Variants in DAGLA observed in about 807,000 individuals in gnomAD.
The protein encoded by DAGLA is diacylglycerol lipase alpha, also known as diacylglycerol lipase-alpha.
Under a neutral mutation model 102.6 loss-of-function variants are expected in DAGLA, and 22 were observed. That is an observed-to-expected ratio of 0.21 (90% confidence interval 0.15 to 0.31). The LOEUF is 0.31. Ranked by LOEUF, DAGLA falls within the 10% of genes least tolerant of loss-of-function variation. DAGLA has a pLI of 1.00. For missense variants in DAGLA, 927 were observed against 1,446.6 expected (o/e 0.64, Z 5.83); for synonymous variants, 578 against 628.9 (o/e 0.92, Z 1.21).
At chr11:61,733,027 C>T (rs142825949) in intron 9 of DAGLA, among the ~76,000 whole-genome samples, 46 of 152,350 alleles carry the variant, frequency 3.0e-4, no homozygotes, top group African/African-American at 9.9e-4. Context: ...GCCCTGTCAC[C>T]GGAGAAGCGA....
rs1273931781 is a variant in DAGLA, at chr11:61,744,828, C to T, written c.*339C>T. On this transcript the variant is annotated 3_prime_UTR_variant, in exon 20 of 20. Transcript: ENST00000257215. Reference sequence around the variant, plus strand: ...TGCTCCAGGACAGGCCATGGGCAAGCTGCCTCCCATCACTGCCTGCTGGCT... The same window carrying T: ...TGCTCCAGGACAGGCCATGGGCAAGTTGCCTCCCATCACTGCCTGCTGGCT... 2.8e-5 allele frequency: 7 copies of T among 251,814 alleles called. No individual in the cohort carries two copies. Among genetic ancestry groups the T allele is most frequent in the Admixed American group, 2.0e-4 (4 of 20,436 alleles). The allele number at this position is 251,814 out of a possible 1,614,324, so 15.6% of individuals were successfully genotyped here.
Position 61,744,316 on chromosome 11 carries a change from A to G in DAGLA, c.2956A>G (p.Ile986Val). The change falls in exon 20 of 20, where the codon ATC (isoleucine) becomes GTC (valine). Residue 986 changes from isoleucine to valine, a missense_variant. Ile to Val is a conservative substitution (Grantham distance 29). This residue lies in a region of DAGLA where 434 missense variants were observed against 503.3 expected (regional missense o/e 0.86). Coordinates refer to ENST00000257215, the MANE Select transcript of DAGLA (RefSeq NM_006133.3). Reference protein sequence around the residue: ...FAGSADPSSGISLSPSFPLSS... With the variant: ...FAGSADPSSGVSLSPSFPLSS... ...CGGCTCAGCCGACCCCTCCTCGGGC[A>G]TCTCACTCTCGCCCTCCTTCCCGCT... The G allele has an allele frequency of 6.2e-7, 1 of 1,612,558 alleles. No individual in the cohort carries two copies. The highest frequency in any genetic ancestry group is 8.5e-7 in the Non-Finnish European group (1 of 1,179,702).
chr11:61,713,041 CAT>C (rs1333113609), intron 1 of DAGLA, among the ~76,000 whole-genome samples: 1 of 152,178 alleles, frequency 6.6e-6, no homozygotes, highest in East Asian at 1.9e-4. Context: ...GTGGATGACA[CAT>C]AGTGTTTCTA....
In DAGLA at chr11:61,711,962, G is replaced by A. The variant is rs115111410; in HGVS notation, c.-44-8150G>A. Among the ~76,000 whole-genome samples, 1,126 of 152,364 alleles carry A rather than the reference G, an allele frequency of 7.4e-3. 19 individuals carry two copies. The highest frequency in any genetic ancestry group is 0.026 in the African/African-American group (1,083 of 41,576). The stretch of plus-strand genomic sequence containing the variant: ...TTAAAGGAGGTAATTTTTGTGAACT[G>A]CTTGTTAAAGTAACCAGCATGTAGT... On this transcript the variant is annotated intron_variant, in intron 1 of 19. Transcript: ENST00000257215.
chr11:61,735,881 G>T, intron 12 of DAGLA, 65 bp downstream of exon 12: 1 of 1,440,122 alleles, frequency 6.9e-7, no homozygotes, highest in Non-Finnish European at 9.5e-7. Flanking sequence ...GTGCAGAGGC[G>T]TGTATGGTTG....
In DAGLA at chr11:61,735,581, C is replaced by T; in HGVS notation, c.1149C>T (p.Tyr383=). 2.5e-6 allele frequency: 4 copies of T among 1,614,042 alleles called. No homozygotes were observed. Among genetic ancestry groups the T allele is most frequent in the South Asian group, 1.1e-5 (1 of 91,078 alleles). The change falls in exon 11 of 20, where the codon TAC becomes TAT. Residue 383 remains tyrosine (Y), a synonymous_variant. Coordinates refer to ENST00000257215, the MANE Select transcript of DAGLA (RefSeq NM_006133.3). ...CCTAGGTCTATGAAACGCCCTTCTA[C>T]GTGGCGGTGGACCATGACAAGAAGA... ...CHDAVYETPF[Y]VAVDHDKKKV... is the part of the protein sequence containing the mutation.
At chr11:61,728,428 C>T (rs1216093979) in intron 7 of DAGLA, 141 bp downstream of exon 7, 1 of 1,044,752 alleles carries the variant, frequency 9.6e-7, no homozygotes, top group African/African-American at 1.6e-5. Context: ...CCCTGGAGGT[C>T]ACCTTTACCT....
At chr11:61,710,610 G>T (rs1248623391) in intron 1 of DAGLA, among the ~76,000 whole-genome samples, 1 of 152,114 alleles carries the variant, frequency 6.6e-6, no homozygotes, top group East Asian at 1.9e-4. Flanking sequence ...TGGGCTCCTA[G>T]GAGTTGGAGC....
At chr11:61,722,275 T>G (rs986577854) in intron 3 of DAGLA, among the ~76,000 whole-genome samples, 1 of 152,214 alleles carries the variant, frequency 6.6e-6, no homozygotes, top group Non-Finnish European at 1.5e-5. Context: ...TCAGACATGA[T>G]TCTGAGATCC....
Position 61,734,957 on chromosome 11 carries a change from G to C in DAGLA, c.1083G>C (p.Glu361Asp), listed in dbSNP as rs757620665. 24 of 1,613,958 alleles carry C rather than the reference G, an allele frequency of 1.5e-5. No homozygotes were observed. Among genetic ancestry groups the C allele is most frequent in the Non-Finnish European group, 1.9e-5 (23 of 1,179,984 alleles). The change falls in exon 10 of 20, where the codon GAG (glutamate) becomes GAC (aspartate). Residue 361 changes from glutamate (E) to aspartate (D), a missense_variant. Physicochemically the swap from Glu to Asp is conservative, Grantham distance 45. Around this residue, in one of 4 missense-constraint regions of DAGLA, gnomAD observed 218 missense variants for 459.6 expected, o/e 0.47. Transcript: ENST00000257215. This position sits in a 1 kb window ranked among gnomAD's most constrained non-coding sequence, Gnocchi z 4.2. ...CCATCCGGCGCCACTTCCTGGACGA[G>C]AACATGACTGCGGTGGACATCGTCT... The part of the protein sequence containing the change: ...AIAIRRHFLD[E>D]NMTAVDIVYT...
chr11:61,724,749 A>G (rs1213711492), intron 5 of DAGLA, among the ~76,000 whole-genome samples: 1 of 152,078 alleles, frequency 6.6e-6, no homozygotes, highest in Admixed American at 6.5e-5. Context: ...CCAGCTGGCC[A>G]CCACCACCCA....
chr11:61,742,297 G>A (rs1479353422), intron 19 of DAGLA, among the ~76,000 whole-genome samples: 2 of 152,162 alleles, frequency 1.3e-5, no homozygotes, highest in African/African-American at 2.4e-5. Flanking sequence ...TGAGGGGTGC[G>A]AGGCTCTTAA....
chr11:61,710,029 C>T (rs916371100), intron 1 of DAGLA, among the ~76,000 whole-genome samples: 1 of 152,030 alleles, frequency 6.6e-6, no homozygotes. Context: ...GGCAAGGGGG[C>T]GGGGGCCCCA....
chr11:61,723,035 G>T, intron 4 of DAGLA, 75 bp downstream of exon 4: 1 of 1,266,780 alleles, frequency 7.9e-7, no homozygotes. Context: ...TAGAGAGGAA[G>T]AAGCTTGGGC....
rs193120978 is a variant in DAGLA, at chr11:61,724,399, G to A, written c.548+827G>A. On this transcript the variant is annotated intron_variant, in intron 5 of 19. Transcript: ENST00000257215. ...TCCATTTAATCCCTTTGTGAACCCCGGCATGGTTGTGAGATCCATTCTACA... is the reference window on the plus strand; with the variant it reads ...TCCATTTAATCCCTTTGTGAACCCCAGCATGGTTGTGAGATCCATTCTACA... Among the ~76,000 whole-genome samples, 373 of 152,272 alleles carry A rather than the reference G, an allele frequency of 2.4e-3. 2 individuals are homozygous for A. The highest frequency in any genetic ancestry group is 4.5e-3 in the Non-Finnish European group (306 of 67,996).
chr11:61,699,885 GCTGA>G (rs1331359138), intron 1 of DAGLA, among the ~76,000 whole-genome samples: 3 of 152,226 alleles, frequency 2.0e-5, no homozygotes, highest in Non-Finnish European at 2.9e-5. Flanking sequence ...CTCACACCTG[GCTGA>G]CTGTTTGCCC....
At chr11:61,737,404 G>T (rs2065432528) in intron 14 of DAGLA, 80 bp downstream of exon 14, 1 of 1,579,800 alleles carries the variant, frequency 6.3e-7, no homozygotes, top group Non-Finnish European at 8.6e-7. Context: ...CTAGGGGCTG[G>T]ACTGGGAGTC....
At position 61,735,429 on chromosome 11, in the gene DAGLA, C is replaced by T. The variant is rs571715605; in HGVS notation, c.1129-132C>T. On this transcript the variant is annotated intron_variant, in intron 10 of 19. Transcript: ENST00000257215. ...CCCAGTGACCCTGGGAGCCCGTCAG[C>T]CTTTCTGGCGGCAGAGGCTCCGTGG... 5.3e-5 allele frequency: 41 copies of T among 776,546 alleles called. No homozygotes were observed. In the African/African-American group the frequency reaches 6.3e-4, roughly 12 times the overall value. 48.1% of individuals were successfully genotyped at this position (776,546 alleles called of 1,614,324 possible).
Position 61,700,249 on chromosome 11 carries a change from A to G in DAGLA, c.-45+19745A>G, listed in dbSNP as rs61896060. Reference sequence around the variant, plus strand: ...TTTGTATGGCAGGAGGCAGAGGAGCACATAACTGAATCTGGGAGTATTTAT... The same window carrying G: ...TTTGTATGGCAGGAGGCAGAGGAGCGCATAACTGAATCTGGGAGTATTTAT... On this transcript the variant is annotated intron_variant, in intron 1 of 19. Transcript: ENST00000257215. 3.5e-3 allele frequency among the ~76,000 whole-genome samples: 532 copies of G among 151,426 alleles called. 1 individual carries two copies. Among genetic ancestry groups the G allele is most frequent in the Middle Eastern group, 6.8e-3 (2 of 294 alleles).
Sources: allele counts gnomAD v4.1 joint callset (sites outside exome capture counted in the v4.1 genomes callset), GRCh38; gene constraint gnomAD v4.1.1; regional missense constraint gnomAD v4.1.1; non-coding constraint Gnocchi (gnomAD v3.1); transcripts MANE v1.5; gene names NCBI Gene and HGNC (gene_info 2026-07-23, HGNC 2026-07-21).